Variants in NUDT11 observed in about 807,000 individuals in gnomAD.
The protein encoded by NUDT11 is diphosphoinositol polyphosphate phosphohydrolase 3-beta.
A neutral mutation model predicts 10.0 loss-of-function variants in NUDT11; 1 was observed. The observed-to-expected ratio is 0.10, with a 90% CI of 0.04 to 0.47. The LOEUF (loss-of-function observed/expected upper bound fraction) is 0.47, where lower values mean the gene tolerates loss of function less well. NUDT11 is among the 20% of genes least tolerant of loss of function. The probability of loss-of-function intolerance (pLI) is 0.96; values close to 1 mark genes in which losing one functional copy is unlikely to be tolerated. For missense variants in NUDT11, 47 were observed against 140.4 expected (o/e 0.33, Z 3.36); for synonymous variants, 63 against 65.9 (o/e 0.96, Z 0.21).
intron 1 of NUDT11, among the ~76,000 whole-genome samples, chrX:51,495,413 G>T (rs1557326546): frequency 8.9e-6 from 1 of 111,744 alleles, no homozygotes; most frequent in Non-Finnish European, 1.9e-5. Context: ...CGAACGCTGT[G>T]AAGGAGAAAA....
chrX:51,491,516 C>T lies in NUDT11; in HGVS notation c.*233G>A, dbSNP rs1925594265. The stretch of plus-strand genomic sequence containing the variant: ...TGAAGGCAGACACATCAAAAAAGCA[C>T]AACAAAAGGCTATAGGTGCTGAATT... On this transcript the variant is annotated 3_prime_UTR_variant, in exon 2 of 2. Transcript: ENST00000375992. The T allele has an allele frequency of 2.9e-6, 1 of 347,168 alleles. No homozygotes were observed. Among genetic ancestry groups the T allele is most frequent in the African/African-American group, 2.6e-5 (1 of 38,208 alleles). 28.6% of individuals were successfully genotyped at this position (347,168 alleles called of 1,213,427 possible). A position where few individuals can be genotyped will look rare whatever the true frequency, so the allele number is the denominator to read the frequency against.
In NUDT11 at chrX:51,496,040, C is replaced by T. The variant is rs1925699748; in HGVS notation, c.405G>A (p.Val135=). The change falls in exon 1 of 2, where the codon GTG becomes GTA. Residue 135 remains valine, a synonymous_variant. Transcript: ENST00000375992. ...TTAGTTTCTCCAGATATTCGGCGTG[C>T]ACGGGCTTGTGGCACTGGAGAACCT... ...AIKVLQCHKP[V]HAEYLEKLKL... is the part of the protein sequence containing the mutation. 4 of 1,208,552 alleles carry T rather than the reference C, an allele frequency of 3.3e-6. No homozygotes were observed. In the Admixed American group the frequency reaches 8.7e-5, roughly 26 times the overall value.
At chrX:51,491,803 A>G in intron 1 of NUDT11, 54 bp from the exon 2 acceptor site, 1 of 570,393 alleles carries the variant, frequency 1.8e-6, no homozygotes, top group Non-Finnish European at 3.2e-6. Context: ...AATTCCTCCA[A>G]CTGACAAATG....
At position 51,490,526 on chromosome X, in the gene NUDT11, G is replaced by T; in HGVS notation, c.*1223C>A. On this transcript the variant is annotated 3_prime_UTR_variant, in exon 2 of 2. Coordinates refer to ENST00000375992, the MANE Select transcript of NUDT11 (RefSeq NM_018159.4). Reference sequence around the variant, plus strand: ...TATCACACATCCCATGGCAAACTCCGTAAGATTTCTTCTAAACATCTTTGT... The same window carrying T: ...TATCACACATCCCATGGCAAACTCCTTAAGATTTCTTCTAAACATCTTTGT... The T allele has an allele frequency of 2.7e-5, 3 of 112,101 alleles. No individual in the cohort carries two copies. In the Admixed American group the frequency reaches 2.8e-4, roughly 11 times the overall value. 9.2% of individuals were successfully genotyped at this position (112,101 alleles called of 1,213,427 possible). A position where few individuals can be genotyped will look rare whatever the true frequency, so the allele number is the denominator to read the frequency against.
Position 51,491,602 on chromosome X carries a change from G to A in NUDT11, c.*147C>T. On this transcript the variant is annotated 3_prime_UTR_variant, in exon 2 of 2. Coordinates refer to ENST00000375992, the MANE Select transcript of NUDT11 (RefSeq NM_018159.4). ...AGCAAGAGTCAGTGGTATAGACAGG[G>A]AAGGAGTGTCCCAAGATGCAGGAAG... is the stretch of plus-strand genomic sequence containing the variant. 1 of 509,732 alleles carries A rather than the reference G, an allele frequency of 2.0e-6. No homozygotes were observed. Among genetic ancestry groups the A allele is most frequent in the Non-Finnish European group, 3.6e-6 (1 of 280,097 alleles). 42.0% of individuals were successfully genotyped at this position (509,732 alleles called of 1,213,427 possible).
intron 1 of NUDT11, among the ~76,000 whole-genome samples, chrX:51,493,943 G>A (rs1466707577): frequency 1.8e-5 from 2 of 111,606 alleles, no homozygotes; most frequent in Non-Finnish European, 3.8e-5. Flanking sequence ...AGTGTTTCAT[G>A]TGGAACACAT....
rs1411111017 is a variant in NUDT11 at position 51,490,433 on chromosome X, G to GA, written c.*1315dup. 7 of 111,732 alleles carry GA rather than the reference G, an allele frequency of 6.3e-5. No individual in the cohort carries two copies. The highest frequency in any genetic ancestry group is 1.9e-4 in the Admixed American group (2 of 10,503). The allele number at this position is 111,732 out of a possible 1,213,427, so 9.2% of individuals were successfully genotyped here. On this transcript the variant is annotated 3_prime_UTR_variant, in exon 2 of 2. Coordinates refer to ENST00000375992, the MANE Select transcript of NUDT11 (RefSeq NM_018159.4). ...GATGCAATTGCTTTATAATATAAAAGAAAAAATCAAACAAACTAGCATATT... is the reference window on the plus strand; with the variant it reads ...GATGCAATTGCTTTATAATATAAAAGAAAAAAATCAAACAAACTAGCATATT...
chrX:51,492,231 T>C (rs1925609514), intron 1 of NUDT11, among the ~76,000 whole-genome samples: 2 of 111,918 alleles, frequency 1.8e-5, no homozygotes, highest in Non-Finnish European at 3.8e-5. Context: ...TTTTACTATC[T>C]CCAACAACAG....
rs138408600 is a variant in NUDT11, at chrX:51,492,154, G to A, written c.*-405C>T. ...AATAAACTCTGCGAACCATGACACA[G>A]AAGAGGGTTTCTTAACCCAGGTGGT... On this transcript the variant is annotated intron_variant, in intron 1 of 1. Coordinates refer to ENST00000375992, the MANE Select transcript of NUDT11 (RefSeq NM_018159.4). Among the ~76,000 whole-genome samples the A allele has an allele frequency of 1.5e-3, 164 of 112,073 alleles. 1 individual carries two copies. Among genetic ancestry groups the A allele is most frequent in the African/African-American group, 5.1e-3 (157 of 30,857 alleles).
chrX:51,495,806 C>A, intron 1 of NUDT11, 145 bp downstream of exon 1: 1 of 910,289 alleles, frequency 1.1e-6, no homozygotes, highest in Non-Finnish European at 1.5e-6. Context: ...AGTTTGCAAG[C>A]GTGATTCAGA....
At chrX:51,492,221 T>C (rs1020545339) in intron 1 of NUDT11, among the ~76,000 whole-genome samples, 23 of 111,980 alleles carry the variant, frequency 2.1e-4, no homozygotes, top group African/African-American at 5.2e-4. Context: ...AAGTGTCTAT[T>C]TTTACTATCT....
intron 1 of NUDT11, among the ~76,000 whole-genome samples, chrX:51,495,622 C>T (rs1192106901): frequency 9.1e-6 from 1 of 109,673 alleles, no homozygotes; most frequent in Admixed American, 9.7e-5. Flanking sequence ...CAATCCCCAC[C>T]CACCCCTCGC....
chrX:51,494,713 T>C (rs1311766317), intron 1 of NUDT11, among the ~76,000 whole-genome samples: 1 of 111,550 alleles, frequency 9.0e-6, no homozygotes, highest in Admixed American at 9.5e-5. Context: ...GTTTTTGGAT[T>C]ACAGGCAACG....
At position 51,490,936 on chromosome X, in the gene NUDT11, A is replaced by G. The variant is rs782071750; in HGVS notation, c.*813T>C. The G allele has an allele frequency of 1.8e-5, 2 of 112,632 alleles. No homozygotes were observed. Among genetic ancestry groups the G allele is most frequent in the South Asian group, 7.4e-4 (2 of 2,706 alleles). The allele number at this position is 112,632 out of a possible 1,213,427, so 9.3% of individuals were successfully genotyped here. On this transcript the variant is annotated 3_prime_UTR_variant, in exon 2 of 2. Transcript: ENST00000375992. ...TTCCTCAAAGAGATGTTAAGATGACATGTAAGAAGTGGTTAGGGCAGGCAT... is the reference window on the plus strand; with the variant it reads ...TTCCTCAAAGAGATGTTAAGATGACGTGTAAGAAGTGGTTAGGGCAGGCAT...
intron 1 of NUDT11, among the ~76,000 whole-genome samples, chrX:51,492,068 T>A (rs782727237): frequency 8.9e-6 from 1 of 111,988 alleles, no homozygotes; most frequent in East Asian, 2.8e-4. Flanking sequence ...TCAGGCTGAT[T>A]CCCACCCACG....
At chrX:51,493,497 G>C (rs1925637051) in intron 1 of NUDT11, among the ~76,000 whole-genome samples, 1 of 111,936 alleles carries the variant, frequency 8.9e-6, no homozygotes, top group Non-Finnish European at 1.9e-5. Flanking sequence ...TGGTGCCACT[G>C]TTCCGAAAAC....
chrX:51,492,604 A>C (rs1419298904), intron 1 of NUDT11, among the ~76,000 whole-genome samples: 1 of 111,262 alleles, frequency 9.0e-6, no homozygotes, highest in Non-Finnish European at 1.9e-5. Context: ...CCAACTCCTG[A>C]CCTCAAGTGA....
intron 1 of NUDT11, among the ~76,000 whole-genome samples, chrX:51,492,933 T>C (rs1301114604): frequency 8.9e-6 from 1 of 112,597 alleles, no homozygotes; most frequent in African/African-American, 3.2e-5. Flanking sequence ...TGTAAACAAA[T>C]TGGCATTCTT....
At chrX:51,495,601 C>T (rs1189119880) in intron 1 of NUDT11, among the ~76,000 whole-genome samples, 1 of 111,391 alleles carries the variant, frequency 9.0e-6, no homozygotes, top group African/African-American at 3.3e-5. Context: ...GGCAGACACA[C>T]ACTCCACACA....
Sources: allele counts gnomAD v4.1 joint callset (sites outside exome capture counted in the v4.1 genomes callset), GRCh38; gene constraint gnomAD v4.1.1; transcripts MANE v1.5; gene names NCBI Gene and HGNC (gene_info 2026-07-23, HGNC 2026-07-21).